FOXO1: variants seen among roughly 807,000 people sequenced by gnomAD.
FOXO1 encodes the protein forkhead box O1, also known as forkhead box protein O1.
In FOXO1, 6 loss-of-function variants were observed where a neutral mutation model predicts 44.1. That is an observed-to-expected ratio of 0.14 (90% CI 0.07 to 0.27). The LOEUF (loss-of-function observed/expected upper bound fraction) is 0.27, where lower values mean the gene tolerates loss of function less well. FOXO1 is among the 10% of genes least tolerant of loss of function. The probability of loss-of-function intolerance (pLI) is 1.00; values close to 1 mark genes in which losing one functional copy is unlikely to be tolerated. For synonymous variants in FOXO1, 380 were observed against 362.7 expected, an observed-to-expected ratio of 1.05 and a Z score of -0.54; for missense variants, 737 against 888.8, an observed-to-expected ratio of 0.83 and a Z score of 2.17.
At chr13:40,622,220 A>C (rs1465808154) in intron 1 of FOXO1, among the ~76,000 whole-genome samples, 5 of 152,234 alleles carry the variant, frequency 3.3e-5, no homozygotes, top group Non-Finnish European at 7.3e-5. Context: ...TCTCAAATTT[A>C]GTGTTAAAAT....
chr13:40,646,323 G>A (rs1277434206), intron 1 of FOXO1, among the ~76,000 whole-genome samples: 2 of 137,778 alleles, frequency 1.5e-5, no homozygotes, highest in Non-Finnish European at 3.0e-5. Context: ...ATGGAGTCTC[G>A]CTCTGTCATC....
At chr13:40,660,500 A>T (rs1310630593) in intron 1 of FOXO1, among the ~76,000 whole-genome samples, 1 of 152,134 alleles carries the variant, frequency 6.6e-6, no homozygotes, top group East Asian at 1.9e-4. Flanking sequence ...CCTAACACAA[A>T]ACTGCAGTTT....
chr13:40,557,903 T>G lies in FOXO1; in HGVS notation c.*1146A>C, dbSNP rs1256098455. On this transcript the variant is annotated 3_prime_UTR_variant, in exon 3 of 3. Transcript: ENST00000379561. ...CTTGATGCTATGCAGTACGCATAGT[T>G]CAGTAGAAGCAGATGAAATTTCTTT... 6.6e-6 allele frequency: 1 copy of G among 152,242 alleles called. No individual in the cohort carries two copies. Among genetic ancestry groups the G allele is most frequent in the African/African-American group, 2.4e-5 (1 of 41,464 alleles). 9.4% of individuals were successfully genotyped at this position (152,242 alleles called of 1,614,324 possible).
chr13:40,631,597 CATAGA>C, intron 1 of FOXO1, among the ~76,000 whole-genome samples: 1 of 152,312 alleles, frequency 6.6e-6, no homozygotes, highest in South Asian at 2.1e-4. Flanking sequence ...GTGATATATA[CATAGA>C]ATAGAGTAGG....
intron 1 of FOXO1, chr13:40,611,254 C>A (rs1307526714): frequency 9.6e-6 from 3 of 312,270 alleles, no homozygotes; most frequent in Non-Finnish European, 1.9e-5. Context: ...TGTCAGAATG[C>A]AATCTTATTT....
intron 1 of FOXO1, among the ~76,000 whole-genome samples, chr13:40,610,596 G>T (rs907730102): frequency 6.6e-6 from 1 of 152,102 alleles, no homozygotes; most frequent in Non-Finnish European, 1.5e-5. Context: ...GGCTCATTGT[G>T]GCTCACTTAA....
intron 1 of FOXO1, chr13:40,619,828 T>C: frequency 1.3e-6 from 1 of 766,236 alleles, no homozygotes; most frequent in Non-Finnish European, 2.4e-6. Context: ...CACAAACCAG[T>C]CGGGTGGCAG....
chr13:40,574,683 A>G (rs1874676025), intron 1 of FOXO1, among the ~76,000 whole-genome samples: 1 of 152,168 alleles, frequency 6.6e-6, no homozygotes, highest in Non-Finnish European at 1.5e-5. Flanking sequence ...TGGTATTTCA[A>G]TTTATTTTCA....
At chr13:40,563,475 C>G (rs1376592399) in intron 1 of FOXO1, among the ~76,000 whole-genome samples, 1 of 152,172 alleles carries the variant, frequency 6.6e-6, no homozygotes, top group Admixed American at 6.5e-5. Context: ...GACAAGCCCT[C>G]CTGCCAGAGC....
intron 1 of FOXO1, among the ~76,000 whole-genome samples, chr13:40,647,269 T>C (rs1239866323): frequency 6.6e-6 from 1 of 152,222 alleles, no homozygotes; most frequent in Non-Finnish European, 1.5e-5. Flanking sequence ...CCTAATTCTT[T>C]TCTTAGCTCA....
At chr13:40,582,583 C>A (rs1874999102) in intron 1 of FOXO1, among the ~76,000 whole-genome samples, 1 of 152,234 alleles carries the variant, frequency 6.6e-6, no homozygotes, top group Admixed American at 6.5e-5. Flanking sequence ...GTCATTTCAA[C>A]CATGTTCATT....
chr13:40,661,273 GCTTT>G (rs1878027687), intron 1 of FOXO1, among the ~76,000 whole-genome samples: 2 of 151,530 alleles, frequency 1.3e-5, no homozygotes, highest in Admixed American at 1.3e-4. Context: ...GATTATCAAG[GCTTT>G]CTTCTTTTTT....
intron 1 of FOXO1, among the ~76,000 whole-genome samples, chr13:40,607,229 A>C (rs373197921): frequency 2.0e-5 from 3 of 152,130 alleles, no homozygotes; most frequent in African/African-American, 7.2e-5. Context: ...CCAGACAAAA[A>C]CCGGAGGGCG....
rs542262788 is a variant in FOXO1 at position 40,666,159 on chromosome 13, G to C, written c.54C>G (p.Pro18=). The C allele has an allele frequency of 6.8e-7, 1 of 1,463,330 alleles. No homozygotes were observed. The allele number at this position is 1,463,330 out of a possible 1,614,324, so 90.6% of individuals were successfully genotyped here. The change falls in exon 1 of 3, where the codon CCC becomes CCG. Residue 18 remains proline (P), a synonymous_variant. Transcript: ENST00000379561. The part of the protein sequence containing the change: ...VEIDPDFEPL[P]RPRSCTWPLP... Reference sequence around the variant, plus strand: ...GCGGCCAGGTGCACGAGCGCGGCCGGGGCAGCGGCTCGAAGTCCGGGTCGA... The same window carrying C: ...GCGGCCAGGTGCACGAGCGCGGCCGCGGCAGCGGCTCGAAGTCCGGGTCGA...
intron 2 of FOXO1, 129 bp downstream of exon 2, chr13:40,559,380 G>T: frequency 1.2e-6 from 1 of 800,672 alleles, no homozygotes; most frequent in Non-Finnish European, 1.9e-6. Flanking sequence ...GAGAATGAAT[G>T]ATAAAAGATC....
rs11344939 is a variant in FOXO1, at chr13:40,654,322, TAAAAAAAAAAAA to T, written c.630+11249_630+11260del. ...GAAACCTCATCTCTACTAAAAATAC[TAAAAAAAAAAAA>T]AAAAAAAAAAAAAAAAAATTAGCCA... On this transcript the variant is annotated intron_variant, in intron 1 of 2. Transcript: ENST00000379561. Among the ~76,000 whole-genome samples, 162 of 48,210 alleles carry T rather than the reference TAAAAAAAAAAAA, an allele frequency of 3.4e-3. 3 individuals are homozygous for T. Among genetic ancestry groups the T allele is most frequent in the African/African-American group, 7.6e-3 (114 of 15,060 alleles). The allele number at this position is 48,210 out of a possible 152,430, so 31.6% of individuals were successfully genotyped here. A position where few individuals can be genotyped will look rare whatever the true frequency, so the allele number is the denominator to read the frequency against.
intron 1 of FOXO1, among the ~76,000 whole-genome samples, chr13:40,600,755 T>C (rs993854043): frequency 2.0e-5 from 3 of 152,216 alleles, no homozygotes; most frequent in African/African-American, 4.8e-5. Context: ...GTGATTTTGA[T>C]AGTCAAGACT....
At chr13:40,650,049 T>C (rs766658598) in intron 1 of FOXO1, among the ~76,000 whole-genome samples, 17 of 152,222 alleles carry the variant, frequency 1.1e-4, no homozygotes, top group Non-Finnish European at 2.1e-4. Context: ...GGCTACTCCG[T>C]AGACAAAGCA....
In FOXO1 at chr13:40,559,823, G is replaced by A. The variant is rs763078745; in HGVS notation, c.1668C>T (p.Thr556=). ...GCACTTGTACAGGTGTCTTCACTTG[G>A]GTCAGGCGGTTCATACCCGAGGTGT... ...MPHTSGMNRL[T]QVKTPVQVPL... The change falls in exon 2 of 3, where the codon ACC becomes ACT. Residue 556 remains threonine, a synonymous_variant. Transcript: ENST00000379561. 6.2e-7 allele frequency: 1 copy of A among 1,614,040 alleles called. No individual in the cohort carries two copies. Among genetic ancestry groups the A allele is most frequent in the Admixed American group, 1.7e-5 (1 of 60,002 alleles).
Sources: gnomAD v4.1 joint callset for allele counts (sites outside exome capture counted in the v4.1 genomes callset) on GRCh38, gnomAD v4.1.1 for gene constraint, MANE v1.5 for transcripts, NCBI Gene and HGNC (gene_info 2026-07-23, HGNC 2026-07-21) for gene names.